The following MANEA variants were observed in gnomAD, a reference collection of about 807,000 sequenced individuals.
MANEA encodes the protein glycoprotein endo-alpha-1,2-mannosidase.
Under a neutral mutation model 36.8 loss-of-function variants are expected in MANEA, and 25 were observed. The observed-to-expected ratio is 0.68, with a 90% CI of 0.50 to 0.95. The LOEUF is 0.95. Among genes scored for constraint, MANEA ranks in the 40% least tolerant of loss-of-function variants. The probability of loss-of-function intolerance (pLI) is 0.00; values close to 1 mark genes in which losing one functional copy is unlikely to be tolerated. For synonymous variants in MANEA, 198 were observed against 188.5 expected (o/e 1.05, Z -0.41); for missense variants, 565 against 558.8 (o/e 1.01, Z -0.11).
At chr6:95,585,071 T>C (rs958768612) in intron 1 of MANEA, among the ~76,000 whole-genome samples, 2 of 152,124 alleles carry the variant, frequency 1.3e-5, no homozygotes, top group Non-Finnish European at 1.5e-5. Flanking sequence ...TAATAAGAAA[T>C]CTGTATATAA....
chr6:95,604,060 A>AGG (rs1491504597), intron 3 of MANEA, among the ~76,000 whole-genome samples: 71 of 53,404 alleles, frequency 1.3e-3, no homozygotes, highest in East Asian at 5.8e-3. Context: ...ATATGTATGT[A>AGG]GGTGTGTGTG....
intron 2 of MANEA, among the ~76,000 whole-genome samples, chr6:95,593,586 A>G (rs1769426203): frequency 6.6e-6 from 1 of 152,224 alleles, no homozygotes. Flanking sequence ...ATATGTGGCT[A>G]TTGAACACTT....
At chr6:95,605,665 C>T in intron 4 of MANEA, 83 bp from the exon 5 acceptor site, 9 of 962,652 alleles carry the variant, frequency 9.3e-6, no homozygotes, top group East Asian at 2.4e-5. Flanking sequence ...TGCACTGACT[C>T]CTTCATTTTC....
chr6:95,584,100 C>T (rs1769234365), intron 1 of MANEA, among the ~76,000 whole-genome samples: 1 of 152,198 alleles, frequency 6.6e-6, no homozygotes, highest in South Asian at 2.1e-4. Flanking sequence ...TCTTCGTAAA[C>T]TGAGGATGTA....
In MANEA at chr6:95,596,809, C is replaced by T. The variant is rs1402912382; in HGVS notation, c.617C>T (p.Pro206Leu). ...GGAGAACCTACTGATAACTTGGTACCCACTATTTTGGATAAAGCTCATAAA... is the reference window on the plus strand; with the variant it reads ...GGAGAACCTACTGATAACTTGGTACTCACTATTTTGGATAAAGCTCATAAA... ...ENGEPTDNLV[P>L]TILDKAHKYN... Residue 206 changes from proline (P) to leucine (L), a missense_variant, in exon 3 of 5, where the codon CCC becomes CTC. By Grantham distance (98) the Pro-to-Leu change is moderately conservative. Coordinates refer to ENST00000358812, the MANE Select transcript of MANEA (RefSeq NM_024641.4). 3.7e-6 allele frequency: 6 copies of T among 1,603,206 alleles called. No individual in the cohort carries two copies. The highest frequency in any genetic ancestry group is 4.3e-6 in the Non-Finnish European group (5 of 1,170,820).
rs1769669410 is a variant in MANEA at position 95,604,862 on chromosome 6, T to C, written c.690T>C (p.Asp230=). ...ACATAGAACCATATAGCAATCGAGA[T>C]GATCAAAACATGTACAAAAATGTCA... The part of the protein sequence containing the change: ...TFHIEPYSNR[D]DQNMYKNVKY... Residue 230 remains aspartate (D), a synonymous_variant, in exon 4 of 5, where the codon GAT becomes GAC. Coordinates refer to ENST00000358812, the MANE Select transcript of MANEA (RefSeq NM_024641.4). The C allele has an allele frequency of 6.7e-7, 1 of 1,492,360 alleles. No homozygotes were observed. Among genetic ancestry groups the C allele is most frequent in the Non-Finnish European group, 9.1e-7 (1 of 1,103,494 alleles). 92.4% of individuals were successfully genotyped at this position (1,492,360 alleles called of 1,614,324 possible). A position where few individuals can be genotyped will look rare whatever the true frequency, so the allele number is the denominator to read the frequency against.
Position 95,593,916 on chromosome 6 carries a change from G to A in MANEA, c.545-2821G>A, listed in dbSNP as rs546088681. Among the ~76,000 whole-genome samples, 19 of 152,096 alleles carry A rather than the reference G, an allele frequency of 1.2e-4. 1 individual carries two copies. Among genetic ancestry groups the A allele is most frequent in the South Asian group, 6.2e-4 (3 of 4,816 alleles). ...CAAAAATTAGCCAGGTGTGGTGGTG[G>A]GTGCCTGTAATCCCAGAGGAGGGAT... On this transcript the variant is annotated intron_variant, in intron 2 of 4. Transcript: ENST00000358812.
At position 95,586,539 on chromosome 6, in the gene MANEA, G is replaced by T. The variant is rs193238315; in HGVS notation, c.100G>T (p.Ala34Ser). The T allele has an allele frequency of 1.3e-4, 205 of 1,613,972 alleles. No homozygotes were observed. The Middle Eastern group carries it at 1.3e-3, about 10-fold the overall frequency. Residue 34 changes from alanine to serine, a missense_variant, in exon 2 of 5, where the codon GCT becomes TCT. Physicochemically the swap from Ala to Ser is moderately conservative, Grantham distance 99 (BLOSUM62 1). Coordinates refer to ENST00000358812, the MANE Select transcript of MANEA (RefSeq NM_024641.4). ...MGLKMLRPNT[A>S]TFGAPFGLDL... ...TTTAAAAATGCTGAGACCAAATACA[G>T]CTACTTTTGGAGCTCCTTTTGGACT...
chr6:95,606,162 T>A lies in MANEA; in HGVS notation c.1146T>A (p.Tyr382Ter). The A allele has an allele frequency of 6.2e-7, 1 of 1,614,122 alleles. No homozygotes were observed. Among genetic ancestry groups the A allele is most frequent in the Non-Finnish European group, 8.5e-7 (1 of 1,179,988 alleles). ...GGAACCGAATCAATGGGAAGTATTA[T>A]GAAATTGGTCTGAGTGCCGCACTTC... ...NTRNRINGKY[Y>*]EIGLSAALQT... Residue 382 changes from tyrosine to a stop codon, truncating the protein, a stop_gained, in exon 5 of 5, where the codon TAT becomes TAA. Coordinates refer to ENST00000358812, the MANE Select transcript of MANEA (RefSeq NM_024641.4). LOFTEE classifies it high-confidence loss of function.
At position 95,605,982 on chromosome 6, in the gene MANEA, A is replaced by C; in HGVS notation, c.966A>C (p.Thr322=). The change falls in exon 5 of 5, where the codon ACA becomes ACC. Residue 322 remains threonine, a synonymous_variant. Transcript: ENST00000358812. ...ILQSGFDGIY[T]YFATNGFTYG... is the part of the protein sequence containing the mutation. ...AAAGTGGTTTTGATGGAATTTACAC[A>C]TATTTTGCCACAAATGGCTTTACTT... 1 of 1,614,054 alleles carries C rather than the reference A, an allele frequency of 6.2e-7. No homozygotes were observed. The highest frequency in any genetic ancestry group is 8.5e-7 in the Non-Finnish European group (1 of 1,179,974).
At chr6:95,590,657 A>G (rs1446296645) in intron 2 of MANEA, among the ~76,000 whole-genome samples, 1 of 152,212 alleles carries the variant, frequency 6.6e-6, no homozygotes, top group Non-Finnish European at 1.5e-5. Flanking sequence ...GGTTATATTT[A>G]TAACTGTAGA....
rs758307767 is a variant in MANEA at position 95,605,963 on chromosome 6, G to C, written c.947G>C (p.Gly316Ala). 16 of 1,613,698 alleles carry C rather than the reference G, an allele frequency of 9.9e-6. No individual in the cohort carries two copies. Among genetic ancestry groups the C allele is most frequent in the Admixed American group, 5.0e-5 (3 of 59,940 alleles). ...EKHKYDILQS[G>A]FDGIYTYFAT... ...CATAAGTATGATATTCTTCAAAGTG[G>C]TTTTGATGGAATTTACACATATTTT... Residue 316 changes from glycine (G) to alanine (A), a missense_variant, in exon 5 of 5, where the codon GGT (glycine) becomes GCT (alanine). Gly to Ala is a moderately conservative substitution (Grantham distance 60, BLOSUM62 0). Coordinates refer to ENST00000358812, the MANE Select transcript of MANEA (RefSeq NM_024641.4).
intron 1 of MANEA, among the ~76,000 whole-genome samples, chr6:95,578,029 C>T (rs946557888): frequency 6.6e-6 from 1 of 152,192 alleles, no homozygotes; most frequent in Non-Finnish European, 1.5e-5. Context: ...AGCACCTTCT[C>T]CTTGTGCCCC....
intron 2 of MANEA, among the ~76,000 whole-genome samples, chr6:95,590,447 A>G (rs1026368489): frequency 6.6e-6 from 1 of 152,184 alleles, no homozygotes; most frequent in Non-Finnish European, 1.5e-5. Flanking sequence ...CAACATTAGA[A>G]TATTTCCTGA....
At chr6:95,595,776 T>G (rs1769470354) in intron 2 of MANEA, among the ~76,000 whole-genome samples, 1 of 152,212 alleles carries the variant, frequency 6.6e-6, no homozygotes, top group East Asian at 1.9e-4. Context: ...ATGTAATTTA[T>G]GCTTCTAACA....
Position 95,586,993 on chromosome 6 carries a change from GTATA to G in MANEA, c.544+20_544+23del. 1 of 1,302,342 alleles carries G rather than the reference GTATA, an allele frequency of 7.7e-7. No individual in the cohort carries two copies. Among genetic ancestry groups the G allele is most frequent in the Non-Finnish European group, 1.1e-6 (1 of 923,322 alleles). The allele number at this position is 1,302,342 out of a possible 1,614,324, so 80.7% of individuals were successfully genotyped here. ...CGCTCAGCTTCAATTGGTAATTATT[GTATA>G]TATATATATGTGTGTTTGTGTCTGT... On this transcript the variant is annotated intron_variant, in intron 2 of 4. Transcript: ENST00000358812.
chr6:95,592,528 C>T (rs189315420), intron 2 of MANEA, among the ~76,000 whole-genome samples: 4 of 152,050 alleles, frequency 2.6e-5, no homozygotes, highest in East Asian at 3.9e-4. Context: ...AATTGTGTTA[C>T]GTCTAGAAAT....
At chr6:95,602,388 T>C (rs1769609999) in intron 3 of MANEA, among the ~76,000 whole-genome samples, 1 of 152,102 alleles carries the variant, frequency 6.6e-6, no homozygotes, top group Non-Finnish European at 1.5e-5. Context: ...AAGACCTACC[T>C]CAATTTTGTT....
chr6:95,586,893 T>C lies in MANEA; in HGVS notation c.454T>C (p.Ser152Pro). 1 of 1,613,628 alleles carries C rather than the reference T, an allele frequency of 6.2e-7. No homozygotes were observed. The highest frequency in any genetic ancestry group is 8.5e-7 in the Non-Finnish European group (1 of 1,179,632). ...GRHNPPDDIGSSFYPELGSYS... is the reference protein window; with the variant it reads ...GRHNPPDDIGPSFYPELGSYS... ...ACACAACCCTCCAGATGACATTGGC[T>C]CCAGCTTTTATCCTGAATTGGGAAG... The change falls in exon 2 of 5, where the codon TCC becomes CCC. Residue 152 changes from serine (S) to proline (P), a missense_variant. Physicochemically the swap from Ser to Pro is moderately conservative, Grantham distance 74. Coordinates refer to ENST00000358812, the MANE Select transcript of MANEA (RefSeq NM_024641.4).
Sources: gnomAD v4.1 joint callset for allele counts (sites outside exome capture counted in the v4.1 genomes callset) on GRCh38, gnomAD v4.1.1 for gene constraint, MANE v1.5 for transcripts, NCBI Gene and HGNC (gene_info 2026-07-23, HGNC 2026-07-21) for gene names.